GRM7: variants seen among roughly 807,000 people sequenced by gnomAD.
The protein encoded by GRM7 is metabotropic glutamate receptor 7.
A neutral mutation model predicts 84.5 loss-of-function variants in GRM7; 35 were observed. The observed-to-expected ratio is 0.41, with a 90% CI of 0.32 to 0.55. GRM7 has a LOEUF of 0.55. GRM7 is among the 20% of genes least tolerant of loss of function. The pLI, the probability that GRM7 is intolerant of heterozygous loss-of-function variation, is 0.19. For synonymous variants in GRM7, 487 were observed against 455.1 expected, an observed-to-expected ratio of 1.07 and a Z score of -0.89; for missense variants, 1,003 against 1,194.6, an observed-to-expected ratio of 0.84 and a Z score of 2.36.
chr3:7,242,007 T>C (rs555712274), intron 2 of GRM7, among the ~76,000 whole-genome samples: 3 of 152,228 alleles, frequency 2.0e-5, no homozygotes, highest in African/African-American at 7.2e-5. Flanking sequence ...ATAGCTTCAA[T>C]GAAATGGGAT....
At chr3:7,483,148 A>G (rs566864139) in intron 7 of GRM7, among the ~76,000 whole-genome samples, 57 of 152,306 alleles carry the variant, frequency 3.7e-4, no homozygotes, top group South Asian at 1.2e-3. Flanking sequence ...GCCAAGTTGT[A>G]TTGTAAATAC....
intron 7 of GRM7, among the ~76,000 whole-genome samples, chr3:7,507,712 C>G (rs1408772653): frequency 6.6e-6 from 1 of 152,178 alleles, no homozygotes; most frequent in East Asian, 1.9e-4. Flanking sequence ...ATTATTCTAG[C>G]TGTTGTGCTT....
At chr3:7,536,103 A>C (rs1197523815) in intron 7 of GRM7, among the ~76,000 whole-genome samples, 3 of 152,132 alleles carry the variant, frequency 2.0e-5, no homozygotes, top group African/African-American at 7.2e-5. Flanking sequence ...CCTAGTACCA[A>C]AAGTGTGTGG....
chr3:7,240,120 GTTTTTT>G (rs397988598), intron 2 of GRM7, among the ~76,000 whole-genome samples: 2,571 of 52,890 alleles, frequency 0.049, 95 homozygotes, highest in African/African-American at 0.12. Context: ...AGCATGTGAG[GTTTTTT>G]TTTTTTTTTT....
chr3:7,655,631 A>G (rs1699143512), intron 8 of GRM7, among the ~76,000 whole-genome samples: 1 of 152,190 alleles, frequency 6.6e-6, no homozygotes, highest in Non-Finnish European at 1.5e-5. Context: ...TTGCCCATAG[A>G]GAGGGATCTG....
At chr3:7,110,544 A>C (rs1692809243) in intron 1 of GRM7, among the ~76,000 whole-genome samples, 1 of 151,730 alleles carries the variant, frequency 6.6e-6, no homozygotes, top group Admixed American at 6.6e-5. Flanking sequence ...GCAGTGAGCC[A>C]AGATTGTGCC....
At chr3:7,047,731 C>T (rs1163286160) in intron 1 of GRM7, among the ~76,000 whole-genome samples, 4 of 152,020 alleles carry the variant, frequency 2.6e-5, no homozygotes, top group Non-Finnish European at 5.9e-5. Flanking sequence ...AGGAAGACCT[C>T]GATAGAACAT....
chr3:7,296,296 C>T (rs2125018056), intron 2 of GRM7, among the ~76,000 whole-genome samples: 1 of 152,118 alleles, frequency 6.6e-6, no homozygotes, highest in African/African-American at 2.4e-5. Flanking sequence ...GTTTTGTTAA[C>T]ATATTTTTAA....
intron 4 of GRM7, among the ~76,000 whole-genome samples, chr3:7,367,715 G>C (rs544928387): frequency 1.3e-5 from 2 of 151,482 alleles, no homozygotes; most frequent in East Asian, 3.9e-4. Flanking sequence ...AGTTCTAGGA[G>C]AGAAGGAGAA....
intron 2 of GRM7, among the ~76,000 whole-genome samples, chr3:7,294,359 TC>T (rs941960328): frequency 8.7e-4 from 133 of 152,004 alleles, no homozygotes; most frequent in African/African-American, 3.0e-3. Flanking sequence ...TCCCCAGGAG[TC>T]CCAGGACAGT....
chr3:6,984,191 G>A (rs1022411585), intron 1 of GRM7, among the ~76,000 whole-genome samples: 31 of 152,116 alleles, frequency 2.0e-4, no homozygotes, highest in African/African-American at 7.5e-4. Flanking sequence ...TTTGCACATC[G>A]TCTTGGAGGC....
At chr3:7,211,652 C>CAA (rs370634134) in intron 2 of GRM7, among the ~76,000 whole-genome samples, 56 of 122,662 alleles carry the variant, frequency 4.6e-4, no homozygotes, top group African/African-American at 1.6e-3. Context: ...TTCTCCCAAC[C>CAA]AAAAAAAAAA....
intron 4 of GRM7, among the ~76,000 whole-genome samples, chr3:7,334,490 G>GAAAAAC (rs201582580): frequency 6.7e-6 from 1 of 148,248 alleles, no homozygotes; most frequent in South Asian, 2.1e-4. Flanking sequence ...AAAAAAAATA[G>GAAAAAC]AAAAACAAAA....
intron 8 of GRM7, among the ~76,000 whole-genome samples, chr3:7,671,692 A>G (rs1029631299): frequency 1.3e-5 from 2 of 151,558 alleles, no homozygotes; most frequent in African/African-American, 4.9e-5. Context: ...TCTATCTGGC[A>G]TCTATTCAAA....
At chr3:7,441,201 C>T (rs141903734) in intron 5 of GRM7, among the ~76,000 whole-genome samples, 1 of 152,166 alleles carries the variant, frequency 6.6e-6, no homozygotes, top group African/African-American at 2.4e-5. Flanking sequence ...GAGATGGTAT[C>T]TAATTATGGT....
chr3:7,007,098 T>C (rs1332422802), intron 1 of GRM7, among the ~76,000 whole-genome samples: 1 of 152,164 alleles, frequency 6.6e-6, no homozygotes, highest in Non-Finnish European at 1.5e-5. Context: ...CCAGCTTAAA[T>C]TAGCATTCTT....
intron 4 of GRM7, among the ~76,000 whole-genome samples, chr3:7,310,053 T>G (rs1700336756): frequency 6.6e-6 from 1 of 152,204 alleles, no homozygotes; most frequent in Non-Finnish European, 1.5e-5. Context: ...AGAGTACTAA[T>G]GGCCTACGTT....
chr3:7,579,657 A>G (rs1457085780), intron 8 of GRM7, among the ~76,000 whole-genome samples: 1 of 152,172 alleles, frequency 6.6e-6, no homozygotes, highest in Non-Finnish European at 1.5e-5. Context: ...AACCCTTCAT[A>G]TTCATTTATT....
intron 1 of GRM7, among the ~76,000 whole-genome samples, chr3:6,960,940 T>C (rs905384500): frequency 3.3e-5 from 5 of 152,212 alleles, no homozygotes; most frequent in Admixed American, 2.6e-4. Flanking sequence ...GTCATAGTTG[T>C]CTGCTAAATT....
Sources: allele counts gnomAD v4.1 joint callset (sites outside exome capture counted in the v4.1 genomes callset), GRCh38; gene constraint gnomAD v4.1.1; transcripts MANE v1.5; gene names NCBI Gene and HGNC (gene_info 2026-07-23, HGNC 2026-07-21).